Variants in KANSL3 observed in about 807,000 individuals in gnomAD.
The protein encoded by KANSL3 is KAT8 regulatory NSL complex subunit 3.
KANSL3 carries 16 observed loss-of-function variants against 89.2 expected under a neutral mutation model. The observed-to-expected ratio is 0.18, with a 90% confidence interval of 0.12 to 0.27. KANSL3 has a LOEUF of 0.27. Ranked by LOEUF, KANSL3 falls within the 10% of genes least tolerant of loss-of-function variation. The pLI is 1.00. For synonymous variants in KANSL3, 385 were observed against 419.7 expected, an observed-to-expected ratio of 0.92 and a Z score of 1.01; for missense variants, 879 against 1,110.6, an observed-to-expected ratio of 0.79 and a Z score of 2.96.
chr2:96,601,195 G>A, intron 20 of KANSL3: 5 of 478,588 alleles, frequency 1.0e-5, no homozygotes, highest in Non-Finnish European at 1.4e-5. Flanking sequence ...TTGAACCGGG[G>A]AGGTGGAGGT....
intron 3 of KANSL3, among the ~76,000 whole-genome samples, chr2:96,627,017 T>G (rs1025686973): frequency 6.6e-6 from 1 of 152,212 alleles, no homozygotes; most frequent in Admixed American, 6.5e-5. Context: ...ACAGTATTAA[T>G]TTTTTTGCAA....
chr2:96,625,976 C>A (rs571602018), intron 3 of KANSL3, among the ~76,000 whole-genome samples: 2 of 152,256 alleles, frequency 1.3e-5, no homozygotes, highest in African/African-American at 4.8e-5. Flanking sequence ...GTGCCCCACC[C>A]GCCTATTCAA....
At position 96,612,509 on chromosome 2, in the gene KANSL3, G is replaced by A; in HGVS notation, c.967C>T (p.Gln323Ter). 1 of 1,613,958 alleles carries A rather than the reference G, an allele frequency of 6.2e-7. No individual in the cohort carries two copies. The highest frequency in any genetic ancestry group is 8.5e-7 in the Non-Finnish European group (1 of 1,179,878). The change falls in exon 8 of 21, where the codon CAG (glutamine) becomes TAG (stop). Residue 323 changes from glutamine (Q) to a stop codon, truncating the protein, a stop_gained. Transcript: ENST00000431828. LOFTEE classifies it high-confidence loss of function. ...LNNGSGVGVL[Q>*]CLEHMIGAVR... ...GCCCCAATCATATGCTCGAGACACT[G>A]TAGAACTCCTACCCCACTGCCATTG...
chr2:96,634,793 T>C (rs756210798), intron 2 of KANSL3, among the ~76,000 whole-genome samples: 8 of 152,238 alleles, frequency 5.3e-5, no homozygotes, highest in Non-Finnish European at 8.8e-5. Flanking sequence ...AGGCCAGACA[T>C]TGAGCTAGTA....
At chr2:96,596,175 G>A (rs1047684393) in intron 20 of KANSL3, among the ~76,000 whole-genome samples, 1 of 152,238 alleles carries the variant, frequency 6.6e-6, no homozygotes, top group African/African-American at 2.4e-5. Context: ...AAGGAAGCAA[G>A]TAGAGAGGGT....
intron 9 of KANSL3, 101 bp downstream of exon 9, chr2:96,612,181 A>C (rs2069124460): frequency 1.2e-6 from 1 of 816,004 alleles, no homozygotes; most frequent in Non-Finnish European, 2.2e-6. Context: ...TAGGTAAAGT[A>C]TCTAGCGCAG....
intron 9 of KANSL3, 124 bp from the exon 10 acceptor site, chr2:96,611,262 C>T: frequency 1.4e-6 from 1 of 738,640 alleles, no homozygotes; most frequent in Middle Eastern, 2.4e-4. Flanking sequence ...GTCCTAATAT[C>T]CGGGTGCATC....
downstream of KANSL3, among the ~76,000 whole-genome samples, chr2:96,592,407 A>G (rs1282052326): frequency 6.6e-6 from 1 of 152,208 alleles, no homozygotes; most frequent in African/African-American, 2.4e-5. Context: ...GTGCGAAAGG[A>G]TACTGATCTT....
chr2:96,630,120 T>C (rs2073115770), intron 3 of KANSL3, among the ~76,000 whole-genome samples: 1 of 152,164 alleles, frequency 6.6e-6, no homozygotes, highest in African/African-American at 2.4e-5. Flanking sequence ...TGGCAATTCC[T>C]CAAAGGTTAA....
At chr2:96,604,201 A>C in intron 17 of KANSL3, 49 bp downstream of exon 17, 1 of 1,544,104 alleles carries the variant, frequency 6.5e-7, no homozygotes, top group Non-Finnish European at 8.7e-7. Flanking sequence ...CAGAAGCAGC[A>C]GACCAAAAAT....
rs758631213 is a variant in KANSL3, at chr2:96,610,746, C to G, written c.1299G>C (p.Gly433=). The G allele has an allele frequency of 2.5e-6, 4 of 1,613,866 alleles. No homozygotes were observed. The highest frequency in any genetic ancestry group is 3.3e-5 in the Admixed American group (2 of 59,990). The change falls in exon 11 of 21, where the codon GGG becomes GGC. Residue 433 remains glycine, a synonymous_variant. Coordinates refer to ENST00000431828, the MANE Select transcript of KANSL3 (RefSeq NM_001115016.3). ...CCCACCTGAGATTGTCATCAGCTCC[C>G]CCAACCACCACCAAGCTGTTCTCAG... ...IRAENSLVVV[G]GADDNLRISK...
intron 20 of KANSL3, among the ~76,000 whole-genome samples, chr2:96,596,425 T>A (rs1324411629): frequency 6.6e-6 from 1 of 152,208 alleles, no homozygotes; most frequent in Admixed American, 6.5e-5. Context: ...TAGTGCTGCA[T>A]GCCTTATAGG....
chr2:96,587,633 A>T, the KANSL3 span, among the ~76,000 whole-genome samples: 4 of 152,242 alleles, frequency 2.6e-5, no homozygotes, highest in African/African-American at 9.6e-5. Flanking sequence ...CTCAAAGAAT[A>T]TATCAAGAAC....
chr2:96,617,977 T>A (rs2070502855), intron 5 of KANSL3, among the ~76,000 whole-genome samples: 1 of 146,640 alleles, frequency 6.8e-6, no homozygotes, highest in Non-Finnish European at 1.5e-5. Flanking sequence ...AGTGAGACTT[T>A]GTCTCAAAAA....
chr2:96,592,819 T>G (rs1170765584), downstream of KANSL3, among the ~76,000 whole-genome samples: 1 of 151,926 alleles, frequency 6.6e-6, no homozygotes, highest in East Asian at 1.9e-4. Flanking sequence ...TTGGCCAACA[T>G]AGTGGAACCC....
chr2:96,611,255 C>T (rs756290441), intron 9 of KANSL3, 117 bp from the exon 10 acceptor site: 56 of 786,076 alleles, frequency 7.1e-5, no homozygotes, highest in Non-Finnish European at 1.0e-4. Context: ...CTCTCCTGTC[C>T]TAATATCCGG....
chr2:96,613,311 C>T (rs1171864206), intron 6 of KANSL3, among the ~76,000 whole-genome samples, 177 bp downstream of exon 6: 5 of 152,134 alleles, frequency 3.3e-5, no homozygotes, highest in African/African-American at 1.2e-4. Context: ...GTGGAGGTTG[C>T]AGTAAGCTGA....
intron 3 of KANSL3, among the ~76,000 whole-genome samples, chr2:96,622,185 A>C (rs927168087): frequency 6.6e-5 from 10 of 152,108 alleles, no homozygotes; most frequent in African/African-American, 2.2e-4. Context: ...GCACTTTGGG[A>C]GGCTGAGGCA....
chr2:96,604,278 C>T lies in KANSL3; in HGVS notation c.2121G>A (p.Val707=), dbSNP rs2067630254. 1.9e-6 allele frequency: 3 copies of T among 1,610,306 alleles called. No homozygotes were observed. The highest frequency in any genetic ancestry group is 1.3e-5 in the African/African-American group (1 of 74,722). Residue 707 remains valine, a synonymous_variant, in exon 17 of 21, where the codon GTG becomes GTA. Coordinates refer to ENST00000431828, the MANE Select transcript of KANSL3 (RefSeq NM_001115016.3). The part of the protein sequence containing the change: ...SALHTLQSRL[V]ATSPGSSLPG... ...GGAGGGAGCTGCCAGGAGATGTGGC[C>T]ACCAGGCGGCTCTGCAGTGTGTGCA...
Sources: gnomAD v4.1 joint callset for allele counts (sites outside exome capture counted in the v4.1 genomes callset) on GRCh38, gnomAD v4.1.1 for gene constraint, MANE v1.5 for transcripts, NCBI Gene and HGNC (gene_info 2026-07-23, HGNC 2026-07-21) for gene names.